The following INTS9 variants were observed in gnomAD, a reference collection of about 807,000 sequenced individuals.
INTS9 encodes the protein protein related to CPSF subunits of 74 kDa.
In INTS9, 55 loss-of-function variants were observed where a neutral mutation model predicts 79.7. That is an observed-to-expected ratio of 0.69 (90% CI 0.56 to 0.86). The LOEUF (loss-of-function observed/expected upper bound fraction) is 0.86, where lower values mean the gene tolerates loss of function less well. Ranked by LOEUF, INTS9 falls within the 40% of genes least tolerant of loss-of-function variation. INTS9 has a pLI of 0.00. For synonymous variants in INTS9, 319 were observed against 325.2 expected (o/e 0.98, Z 0.20); for missense variants, 721 against 831.5 (o/e 0.87, Z 1.64).
At position 28,813,648 on chromosome 8, in the gene INTS9, C is replaced by T. The variant is rs1288175051; in HGVS notation, c.489-36G>A. The T allele has an allele frequency of 2.5e-6, 4 of 1,607,782 alleles. No homozygotes were observed. In the Admixed American group the frequency reaches 6.8e-5, roughly 27 times the overall value. On this transcript the variant is annotated intron_variant, in intron 6 of 16. Transcript: ENST00000521022. ...ATCACAATGTCAACTACCAGGTGAA[C>T]ATTTCTTCATGTTCTACAGCATTCC...
intron 1 of INTS9, among the ~76,000 whole-genome samples, chr8:28,869,192 T>C (rs1370516656): frequency 6.6e-6 from 1 of 152,132 alleles, no homozygotes; most frequent in East Asian, 1.9e-4. Context: ...TTAAAAAAAA[T>C]ATTTTATTAT....
At chr8:28,792,501 A>G (rs906006548) in intron 10 of INTS9, among the ~76,000 whole-genome samples, 3 of 152,232 alleles carry the variant, frequency 2.0e-5, no homozygotes, top group Non-Finnish European at 1.5e-5. Flanking sequence ...AAACAAAAAA[A>G]TCAAAGGCCT....
intron 1 of INTS9, among the ~76,000 whole-genome samples, chr8:28,867,252 G>A (rs554639181): frequency 6.6e-6 from 1 of 152,258 alleles, no homozygotes; most frequent in Admixed American, 6.5e-5. Flanking sequence ...GTAAAACCCT[G>A]TCTCAACTGA....
chr8:28,776,434 T>TG (rs1802889830), intron 13 of INTS9, among the ~76,000 whole-genome samples: 1 of 87,408 alleles, frequency 1.1e-5, no homozygotes, highest in African/African-American at 4.7e-5. Context: ...AGAGTTTTTT[T>TG]TTTTTGTTTT....
intron 8 of INTS9, among the ~76,000 whole-genome samples, chr8:28,808,193 A>ATT (rs3054473): frequency 2.3e-5 from 3 of 130,940 alleles, no homozygotes; most frequent in Admixed American, 7.6e-5. Flanking sequence ...CTTTATTTAG[A>ATT]TTTTTTTTTT....
Position 28,798,982 on chromosome 8 carries a change from G to C in INTS9, c.745-2327C>G, listed in dbSNP as rs190176965. Among the ~76,000 whole-genome samples the C allele has an allele frequency of 1.1e-3, 169 of 152,218 alleles. 3 individuals are homozygous for C. The East Asian group carries it at 0.023, about 21-fold the overall frequency. ...TCTCTCCCTCTCAAATAAAACAAAAGACCTACTGATCCAGATAAAAATATA... is the reference window on the plus strand; with the variant it reads ...TCTCTCCCTCTCAAATAAAACAAAACACCTACTGATCCAGATAAAAATATA... On this transcript the variant is annotated intron_variant, in intron 8 of 16. Transcript: ENST00000521022.
At chr8:28,880,383 C>G (rs28570670) in intron 1 of INTS9, among the ~76,000 whole-genome samples, 1,814 of 152,160 alleles carry the variant, frequency 0.012, 33 homozygotes, top group African/African-American at 0.041. Context: ...CTCAGCCTGC[C>G]GAGTGCCTGC....
intron 8 of INTS9, among the ~76,000 whole-genome samples, chr8:28,802,922 C>T (rs1804601498): frequency 7.7e-6 from 1 of 130,262 alleles, no homozygotes; most frequent in African/African-American, 2.9e-5. Flanking sequence ...CCACCCTGGG[C>T]AACATGGTAA....
rs542284850 is a variant in INTS9, at chr8:28,824,195, G to T, written c.489-10583C>A. Among the ~76,000 whole-genome samples, 8 of 152,294 alleles carry T rather than the reference G, an allele frequency of 5.3e-5. No homozygotes were observed. In the East Asian group the frequency reaches 1.5e-3, roughly 29 times the overall value. The stretch of plus-strand genomic sequence containing the variant: ...AGGGCAACAGGATGCCAAAAGCCTC[G>T]AGTCATCCTTGCCTACAGGCTGGCC... On this transcript the variant is annotated intron_variant, in intron 6 of 16. Coordinates refer to ENST00000521022, the MANE Select transcript of INTS9 (RefSeq NM_018250.4).
chr8:28,783,417 C>G (rs1803415053), intron 11 of INTS9, among the ~76,000 whole-genome samples: 2 of 152,184 alleles, frequency 1.3e-5, no homozygotes, highest in South Asian at 2.1e-4. Context: ...AAATATCAAC[C>G]AGGCCAAAGG....
chr8:28,802,683 A>G (rs1804587314), intron 8 of INTS9, among the ~76,000 whole-genome samples: 1 of 152,184 alleles, frequency 6.6e-6, no homozygotes, highest in Non-Finnish European at 1.5e-5. Flanking sequence ...TCAAAACAAT[A>G]AACAAACTAA....
intron 5 of INTS9, 131 bp from the exon 6 acceptor site, chr8:28,835,509 G>A (rs1806761090): frequency 1.2e-5 from 7 of 597,226 alleles, no homozygotes; most frequent in Admixed American, 5.9e-5. Flanking sequence ...CTTCCTCTCT[G>A]CTGCACATAA....
chr8:28,855,950 T>C (rs187555533), intron 2 of INTS9, among the ~76,000 whole-genome samples: 1 of 152,324 alleles, frequency 6.6e-6, no homozygotes, highest in Admixed American at 6.5e-5. Context: ...GAGGAAATGA[T>C]AAAGCAAATT....
chr8:28,811,944 C>T (rs1307220943), intron 8 of INTS9, among the ~76,000 whole-genome samples: 1 of 152,206 alleles, frequency 6.6e-6, no homozygotes, highest in Admixed American at 6.5e-5. Context: ...GATCTACGGG[C>T]ACATGCTTTG....
chr8:28,775,841 G>A lies in INTS9; in HGVS notation c.1481C>T (p.Pro494Leu). 1.2e-6 allele frequency: 2 copies of A among 1,613,818 alleles called. No homozygotes were observed. The highest frequency in any genetic ancestry group is 1.7e-6 in the Non-Finnish European group (2 of 1,179,868). ...HRMDLMIDCQ[P>L]PAMSYRRAEV... ...AGCCCGCCGATAGGACATGGCGGGG[G>A]GCTGGCAGTCGATCATGAGGTCCAT... is the stretch of plus-strand genomic sequence containing the variant. The change falls in exon 14 of 17, where the codon CCC becomes CTC. Residue 494 changes from proline to leucine, a missense_variant. Pro to Leu is a moderately conservative substitution (Grantham distance 98). Coordinates refer to ENST00000521022, the MANE Select transcript of INTS9 (RefSeq NM_018250.4).
intron 1 of INTS9, among the ~76,000 whole-genome samples, chr8:28,869,045 G>T (rs1351637051): frequency 4.0e-5 from 6 of 151,566 alleles, no homozygotes; most frequent in Admixed American, 3.9e-4. Flanking sequence ...AGTGAGCAGA[G>T]ATCACACCAT....
Position 28,827,511 on chromosome 8 carries a change from G to C in INTS9, c.488+7781C>G, listed in dbSNP as rs7826974. ...TAAGGACAGAATACAAAGAAGATAG[G>C]AATCAGGAAAGTTCCCTGCCTGACT... On this transcript the variant is annotated intron_variant, in intron 6 of 16. Transcript: ENST00000521022. Among the ~76,000 whole-genome samples, 944 of 152,286 alleles carry C rather than the reference G, an allele frequency of 6.2e-3. 7 individuals are homozygous for C. The highest frequency in any genetic ancestry group is 0.022 in the African/African-American group (910 of 41,554).
intron 1 of INTS9, among the ~76,000 whole-genome samples, chr8:28,885,334 G>A (rs1013347406): frequency 7.9e-5 from 12 of 152,060 alleles, no homozygotes; most frequent in African/African-American, 2.7e-4. Context: ...TTAACAAGCC[G>A]GCCTCTGCAG....
chr8:28,884,136 C>G (rs1810044585), intron 1 of INTS9, among the ~76,000 whole-genome samples: 1 of 135,160 alleles, frequency 7.4e-6, no homozygotes, highest in Non-Finnish European at 1.6e-5. Context: ...TTCAATTCAA[C>G]TACTACTACC....
Sources: allele counts gnomAD v4.1 joint callset (sites outside exome capture counted in the v4.1 genomes callset), GRCh38; gene constraint gnomAD v4.1.1; transcripts MANE v1.5; gene names NCBI Gene and HGNC (gene_info 2026-07-23, HGNC 2026-07-21).